The following KIT variants were observed in gnomAD, a reference collection of about 807,000 sequenced individuals.
KIT encodes KIT proto-oncogene, receptor tyrosine kinase.
Under a neutral mutation model 105.7 loss-of-function variants are expected in KIT, and 16 were observed. That is an observed-to-expected ratio of 0.15 (90% CI 0.10 to 0.23). KIT has a LOEUF of 0.23. Ranked by LOEUF, KIT falls within the 10% of genes least tolerant of loss-of-function variation. The probability of loss-of-function intolerance (pLI) is 1.00; values close to 1 mark genes in which losing one functional copy is unlikely to be tolerated. For synonymous variants in KIT, 438 were observed against 441.1 expected, an observed-to-expected ratio of 0.99 and a Z score of 0.09; for missense variants, 858 against 1,213.8, an observed-to-expected ratio of 0.71 and a Z score of 4.36.
intron 1 of KIT, among the ~76,000 whole-genome samples, chr4:54,685,481 A>C (rs927207325): frequency 2.6e-5 from 4 of 151,988 alleles, no homozygotes; most frequent in African/African-American, 4.8e-5. Flanking sequence ...CCTCCCCTTC[A>C]TCCCACCACC....
At chr4:54,736,938 T>C in intron 19 of KIT, 118 bp downstream of exon 19, 1 of 784,154 alleles carries the variant, frequency 1.3e-6, no homozygotes, top group Non-Finnish European at 2.2e-6. Flanking sequence ...ACTTGGATTC[T>C]TTATGACACA....
chr4:54,738,483 C>CA lies in KIT; in HGVS notation c.2858dup (p.His953GlnfsTer96). ...CAACCGACAGAAGCCCGTGGTAGACCATTCTGTGCGGATCAATTCTGTCGG... is the reference window on the plus strand; with the variant it reads ...CAACCGACAGAAGCCCGTGGTAGACCAATTCTGTGCGGATCAATTCTGTCGG... On this transcript the variant is annotated frameshift_variant, in exon 21 of 21. Coordinates refer to ENST00000288135, the MANE Select transcript of KIT (RefSeq NM_000222.3). LOFTEE classifies it high-confidence loss of function. 3 of 1,614,056 alleles carry CA rather than the reference C, an allele frequency of 1.9e-6. No individual in the cohort carries two copies. The highest frequency in any genetic ancestry group is 2.5e-6 in the Non-Finnish European group (3 of 1,179,948).
At chr4:54,673,189 A>G (rs139800350) in intron 1 of KIT, among the ~76,000 whole-genome samples, 17 of 152,246 alleles carry the variant, frequency 1.1e-4, no homozygotes, top group African/African-American at 4.1e-4. Flanking sequence ...GTGTAATTTT[A>G]AGAGTTCTTT....
Position 54,738,554 on chromosome 4 carries a change from C to G in KIT, c.2928C>G (p.Val976=), listed in dbSNP as rs182068450. Residue 976 remains valine (V), a synonymous_variant, in exon 21 of 21, where the codon GTC becomes GTG. Coordinates refer to ENST00000288135, the MANE Select transcript of KIT (RefSeq NM_000222.3). ...AGCCTCTGCTTGTGCACGACGATGTCTGAGCAGAATCAGTGTTTGGGTCAC... is the reference window on the plus strand; with the variant it reads ...AGCCTCTGCTTGTGCACGACGATGTGTGAGCAGAATCAGTGTTTGGGTCAC... ...SSQPLLVHDD[V] The G allele has an allele frequency of 1.8e-5, 29 of 1,613,984 alleles. No homozygotes were observed. In the African/African-American group the frequency reaches 2.4e-4, roughly 13 times the overall value.
At chr4:54,688,527 T>C (rs1330084914) in intron 1 of KIT, among the ~76,000 whole-genome samples, 1 of 152,204 alleles carries the variant, frequency 6.6e-6, no homozygotes, top group African/African-American at 2.4e-5. Flanking sequence ...TCCTTACTTT[T>C]AACCGCAGCT....
chr4:54,704,504 C>G (rs1020476062), intron 5 of KIT, among the ~76,000 whole-genome samples: 1 of 151,958 alleles, frequency 6.6e-6, no homozygotes, highest in African/African-American at 2.4e-5. Context: ...AATCTGTCCC[C>G]GGACCCCATC....
chr4:54,732,328 A>G (rs749326965), intron 16 of KIT, among the ~76,000 whole-genome samples: 5 of 152,088 alleles, frequency 3.3e-5, no homozygotes, highest in Admixed American at 6.6e-5. Context: ...GAATCATTTT[A>G]TCAGTAAAAG....
chr4:54,738,545 C>T lies in KIT; in HGVS notation c.2919C>T (p.His973=), dbSNP rs755974085. The T allele has an allele frequency of 8.7e-6, 14 of 1,614,030 alleles. No homozygotes were observed. In the East Asian group the frequency reaches 1.1e-4, roughly 13 times the overall value. Residue 973 remains histidine, a synonymous_variant, in exon 21 of 21, where the codon CAC becomes CAT. Transcript: ENST00000288135. The part of the protein sequence containing the change: ...TASSSQPLLV[H]DDV ...CCTCCTCCCAGCCTCTGCTTGTGCA[C>T]GACGATGTCTGAGCAGAATCAGTGT...
At chr4:54,685,494 T>C (rs1387895885) in intron 1 of KIT, among the ~76,000 whole-genome samples, 1 of 152,204 alleles carries the variant, frequency 6.6e-6, no homozygotes, top group Non-Finnish European at 1.5e-5. Context: ...CCACCACCTC[T>C]GGTTGATGCC....
At chr4:54,727,091 A>G in intron 9 of KIT, 127 bp from the exon 10 acceptor site, 2 of 798,694 alleles carry the variant, frequency 2.5e-6, no homozygotes, top group Non-Finnish European at 4.5e-6. Context: ...AAGCTCTGAG[A>G]CTCACATAGC....
At chr4:54,732,032 TTTTG>T (rs1423313167) in intron 16 of KIT, 34 bp downstream of exon 16, 45 of 1,583,646 alleles carry the variant, frequency 2.8e-5, no homozygotes, top group Non-Finnish European at 3.7e-5. Flanking sequence ...GAGTTTTGTG[TTTTG>T]TTTTTTTGAT....
chr4:54,661,541 C>T (rs1038230096), intron 1 of KIT, among the ~76,000 whole-genome samples: 7 of 152,338 alleles, frequency 4.6e-5, no homozygotes, highest in Admixed American at 3.3e-4. Context: ...GTGGTCAAGG[C>T]TGTGGCAGCT....
At chr4:54,665,821 C>T (rs373059612) in intron 1 of KIT, among the ~76,000 whole-genome samples, 236 of 152,082 alleles carry the variant, frequency 1.6e-3, no homozygotes, top group African/African-American at 5.5e-3. Context: ...GGGTCAGGTC[C>T]CTGTAAGAAA....
rs1006271346 is a variant in KIT at position 54,739,672 on chromosome 4, G to A, written c.*1115G>A. ...CCAGTATCTATATATGTGTATGTAC[G>A]TTTGTATGTGTGTAGACAAATATTT... On this transcript the variant is annotated 3_prime_UTR_variant, in exon 21 of 21. Coordinates refer to ENST00000288135, the MANE Select transcript of KIT (RefSeq NM_000222.3). 8.6e-6 allele frequency: 2 copies of A among 233,446 alleles called. No homozygotes were observed. Among genetic ancestry groups the A allele is most frequent in the African/African-American group, 2.2e-5 (1 of 45,356 alleles). The allele number at this position is 233,446 out of a possible 1,614,324, so 14.5% of individuals were successfully genotyped here. A position where few individuals can be genotyped will look rare whatever the true frequency, so the allele number is the denominator to read the frequency against.
intron 1 of KIT, among the ~76,000 whole-genome samples, chr4:54,687,129 GA>G (rs1296861893): frequency 6.6e-6 from 1 of 152,112 alleles, no homozygotes; most frequent in Non-Finnish European, 1.5e-5. Flanking sequence ...AAAACAATAT[GA>G]AAGACTGTTT....
chr4:54,680,261 A>G (rs1449029498), intron 1 of KIT, among the ~76,000 whole-genome samples: 2 of 152,030 alleles, frequency 1.3e-5, no homozygotes, highest in African/African-American at 4.8e-5. Context: ...ATGTGTATGT[A>G]TAAATGTTAA....
chr4:54,700,683 C>A (rs1720401172), intron 4 of KIT, among the ~76,000 whole-genome samples: 1 of 152,176 alleles, frequency 6.6e-6, no homozygotes, highest in African/African-American at 2.4e-5. Flanking sequence ...CCTCCTCTTC[C>A]TCCTCCTGCC....
At chr4:54,665,499 C>T (rs369400300) in intron 1 of KIT, among the ~76,000 whole-genome samples, 8 of 152,200 alleles carry the variant, frequency 5.3e-5, no homozygotes, top group East Asian at 1.9e-4. Context: ...GGAAAGAAAG[C>T]GCCCTTAAGA....
intron 4 of KIT, 127 bp downstream of exon 4, chr4:54,699,893 A>G: frequency 5.1e-6 from 5 of 986,240 alleles, no homozygotes; most frequent in Non-Finnish European, 8.0e-6. Context: ...TGTCTGGGAG[A>G]GTGTTGGGAT....
Sources: allele counts gnomAD v4.1 joint callset (sites outside exome capture counted in the v4.1 genomes callset), GRCh38; gene constraint gnomAD v4.1.1; transcripts MANE v1.5; gene names NCBI Gene and HGNC (gene_info 2026-07-23, HGNC 2026-07-21).